The following IL1RAPL2 variants were observed in gnomAD, a reference collection of about 807,000 sequenced individuals.
IL1RAPL2 encodes the protein X-linked interleukin-1 receptor accessory protein-like 2.
A neutral mutation model predicts 44.1 loss-of-function variants in IL1RAPL2; 3 were observed. That is an observed-to-expected ratio of 0.07 (90% CI 0.03 to 0.18). The LOEUF (loss-of-function observed/expected upper bound fraction) is 0.18. IL1RAPL2 is among the 10% of genes least tolerant of loss of function. IL1RAPL2 has a pLI of 1.00. For missense variants in IL1RAPL2, 391 were observed against 496.4 expected (o/e 0.79, Z 2.02); for synonymous variants, 181 against 178.8 (o/e 1.01, Z -0.10).
chrX:105,305,313 G>A (rs1273728310), intron 5 of IL1RAPL2, among the ~76,000 whole-genome samples: 2 of 111,089 alleles, frequency 1.8e-5, no homozygotes, highest in East Asian at 2.8e-4. Context: ...AATATGCTAA[G>A]AGGATAGATC....
intron 5 of IL1RAPL2, among the ~76,000 whole-genome samples, chrX:105,318,807 T>C (rs1160762182): frequency 9.0e-6 from 1 of 111,413 alleles, no homozygotes; most frequent in African/African-American, 3.3e-5. Flanking sequence ...AAGCAGAACA[T>C]GAGTTGCATT....
At chrX:105,316,594 T>G (rs766166698) in intron 5 of IL1RAPL2, among the ~76,000 whole-genome samples, 1 of 112,134 alleles carries the variant, frequency 8.9e-6, no homozygotes, top group African/African-American at 3.2e-5. Context: ...TACTCTCCCA[T>G]GTAACATGAA....
chrX:105,337,745 G>T (rs1250076743), intron 5 of IL1RAPL2, among the ~76,000 whole-genome samples: 1 of 111,195 alleles, frequency 9.0e-6, no homozygotes, highest in Non-Finnish European at 1.9e-5. Context: ...CAAAAAATTA[G>T]CCAGGTGTGG....
intron 2 of IL1RAPL2, among the ~76,000 whole-genome samples, chrX:105,035,035 C>G (rs1318453835): frequency 1.8e-5 from 2 of 111,630 alleles, no homozygotes; most frequent in Admixed American, 1.9e-4. Context: ...TAGGGACCCT[C>G]CAAGCCAGGT....
intron 6 of IL1RAPL2, among the ~76,000 whole-genome samples, chrX:105,569,325 T>C (rs767087330): frequency 4.3e-4 from 48 of 112,235 alleles, no homozygotes; most frequent in Non-Finnish European, 8.3e-4. Flanking sequence ...AAATTAAAAC[T>C]GTAACCCTGG....
intron 2 of IL1RAPL2, among the ~76,000 whole-genome samples, chrX:105,038,101 C>T (rs1158972952): frequency 1.8e-5 from 2 of 111,384 alleles, no homozygotes; most frequent in African/African-American, 6.5e-5. Flanking sequence ...CCACTAATTG[C>T]ACAAACTCTG....
chrX:105,590,843 G>T (rs758216024), intron 6 of IL1RAPL2, among the ~76,000 whole-genome samples: 66 of 99,925 alleles, frequency 6.6e-4, no homozygotes, highest in African/African-American at 2.5e-3. Context: ...GTGTGTGTGT[G>T]TGTGTTTGTG....
chrX:105,564,786 A>T (rs1456744438), intron 6 of IL1RAPL2, among the ~76,000 whole-genome samples: 4 of 111,811 alleles, frequency 3.6e-5, no homozygotes, highest in Non-Finnish European at 7.5e-5. Flanking sequence ...ATTATTCTGG[A>T]TGAGCAGAAA....
At chrX:105,393,011 T>C (rs771604019) in intron 5 of IL1RAPL2, among the ~76,000 whole-genome samples, 17 of 112,882 alleles carry the variant, frequency 1.5e-4, no homozygotes, top group African/African-American at 5.5e-4. Context: ...ATGAGTTCTT[T>C]CTGCCTGCTG....
At chrX:105,201,491 T>C (rs2033717460) in intron 3 of IL1RAPL2, among the ~76,000 whole-genome samples, 1 of 112,133 alleles carries the variant, frequency 8.9e-6, no homozygotes, top group Admixed American at 9.5e-5. Context: ...GATCCTGGCC[T>C]ATAAATACCT....
chrX:105,441,951 T>C (rs1317707502), intron 5 of IL1RAPL2, among the ~76,000 whole-genome samples: 1 of 111,936 alleles, frequency 8.9e-6, no homozygotes, highest in Non-Finnish European at 1.9e-5. Context: ...CTAGTCTTAA[T>C]ACTAAAGCAT....
At chrX:104,843,946 G>A (rs376499100) in intron 2 of IL1RAPL2, among the ~76,000 whole-genome samples, 3 of 110,713 alleles carry the variant, frequency 2.7e-5, no homozygotes, top group African/African-American at 9.9e-5. Context: ...TAATTTCTCT[G>A]TTTAGATTTC....
chrX:105,424,720 A>C (rs1282075357), intron 5 of IL1RAPL2, among the ~76,000 whole-genome samples: 1 of 109,465 alleles, frequency 9.1e-6, no homozygotes, highest in African/African-American at 3.3e-5. Context: ...ATTGCACTCC[A>C]GCCTGGGTGA....
At chrX:105,026,959 C>G (rs749362740) in intron 2 of IL1RAPL2, among the ~76,000 whole-genome samples, 10 of 110,813 alleles carry the variant, frequency 9.0e-5, no homozygotes, top group Admixed American at 1.9e-4. Context: ...CATCATGGTA[C>G]CGGCATAAAC....
At chrX:105,189,302 G>C (rs977327309) in intron 2 of IL1RAPL2, among the ~76,000 whole-genome samples, 1 of 112,231 alleles carries the variant, frequency 8.9e-6, no homozygotes, top group African/African-American at 3.2e-5. Flanking sequence ...GTGTGCAGTG[G>C]TGCGATCTCT....
chrX:104,827,776 T>A (rs1399775529), intron 2 of IL1RAPL2, among the ~76,000 whole-genome samples: 1 of 112,046 alleles, frequency 8.9e-6, no homozygotes, highest in Non-Finnish European at 1.9e-5. Flanking sequence ...CAAACGTAGG[T>A]TTGGTCTTTT....
At position 105,532,208 on chromosome X, in the gene IL1RAPL2, G is replaced by A. The variant is rs760650811; in HGVS notation, c.772+47821G>A. ...CATTGATTCTAGACTTTTTCAGCAGGTAAATGAGTTTATATTGATACTTCT... is the reference window on the plus strand; with the variant it reads ...CATTGATTCTAGACTTTTTCAGCAGATAAATGAGTTTATATTGATACTTCT... On this transcript the variant is annotated intron_variant, in intron 6 of 10. Transcript: ENST00000372582. 4.5e-5 allele frequency among the ~76,000 whole-genome samples: 5 copies of A among 111,465 alleles called. No homozygotes were observed. The South Asian group carries it at 1.9e-3, about 42-fold the overall frequency.
At chrX:105,289,228 A>G (rs2034594601) in intron 5 of IL1RAPL2, among the ~76,000 whole-genome samples, 1 of 110,683 alleles carries the variant, frequency 9.0e-6, no homozygotes, top group African/African-American at 3.3e-5. Flanking sequence ...GAAAATTAGG[A>G]GATGAGGTCA....
At chrX:105,311,192 T>G (rs775352275) in intron 5 of IL1RAPL2, among the ~76,000 whole-genome samples, 2 of 111,654 alleles carry the variant, frequency 1.8e-5, no homozygotes, top group Admixed American at 9.5e-5. Flanking sequence ...TTTAAAAATG[T>G]ATCTCTTATA....
Sources: allele counts gnomAD v4.1 joint callset (sites outside exome capture counted in the v4.1 genomes callset), GRCh38; gene constraint gnomAD v4.1.1; transcripts MANE v1.5; gene names NCBI Gene and HGNC (gene_info 2026-07-23, HGNC 2026-07-21).